SORL1: variants seen among roughly 807,000 people sequenced by gnomAD.
SORL1 encodes the protein sortilin related receptor 1.
SORL1 carries 127 observed loss-of-function variants against 273.7 expected under a neutral mutation model. The ratio of observed to expected loss-of-function variants is 0.46; its 90% confidence interval spans 0.40 to 0.54. The LOEUF (loss-of-function observed/expected upper bound fraction) is 0.54, where lower values mean the gene tolerates loss of function less well. SORL1 is among the 20% of genes least tolerant of loss of function. SORL1 has a pLI of 0.00. For missense variants in SORL1, 2,494 were observed against 2,846.1 expected, an observed-to-expected ratio of 0.88 and a Z score of 2.81; for synonymous variants, 1,031 against 1,067.4, an observed-to-expected ratio of 0.97 and a Z score of 0.66.
chr11:121,607,404 A>ATCTC, intron 37 of SORL1, 114 bp downstream of exon 37: 1 of 559,740 alleles, frequency 1.8e-6, no homozygotes, highest in Non-Finnish European at 3.2e-6. Flanking sequence ...AGTAATCTGC[A>ATCTC]AAATACCCAA....
chr11:121,477,782 C>T (rs1861298142), intron 2 of SORL1, among the ~76,000 whole-genome samples: 1 of 152,148 alleles, frequency 6.6e-6, no homozygotes, highest in Non-Finnish European at 1.5e-5. Flanking sequence ...GTAATCCCAG[C>T]ACTTTGGGAG....
At position 121,629,567 on chromosome 11, in the gene SORL1, A is replaced by AGC; in HGVS notation, c.*5_*6dup. On this transcript the variant is annotated 3_prime_UTR_variant, in exon 48 of 48. Coordinates refer to ENST00000260197, the MANE Select transcript of SORL1 (RefSeq NM_003105.6). ...CGTCCCCATGGTGATAGCCTGAAAG[A>AGC]GCTTTCCTCACTAGAAACCAAATGG... The AGC allele has an allele frequency of 6.9e-7, 1 of 1,458,784 alleles. No homozygotes were observed. The allele number at this position is 1,458,784 out of a possible 1,614,324, so 90.4% of individuals were successfully genotyped here.
chr11:121,544,188 A>G (rs115170600), intron 13 of SORL1, among the ~76,000 whole-genome samples: 7,521 of 152,132 alleles, frequency 0.049, 272 homozygotes, highest in African/African-American at 0.098. Context: ...GAAACTCTTC[A>G]GCATCCTCTC....
chr11:121,530,704 T>G lies in SORL1; in HGVS notation c.1597-1760T>G, dbSNP rs1006928374. The stretch of plus-strand genomic sequence containing the variant: ...ACAAATTTGGGAAATTTTCAGCCAT[T>G]ATTTCTTCAAATATTTTTTTTCTGC... On this transcript the variant is annotated intron_variant, in intron 11 of 47. Transcript: ENST00000260197. 3.9e-5 allele frequency among the ~76,000 whole-genome samples: 6 copies of G among 152,330 alleles called. No individual in the cohort carries two copies. The South Asian group carries it at 1.2e-3, about 32-fold the overall frequency.
intron 21 of SORL1, 155 bp from the exon 22 acceptor site, chr11:121,566,785 C>G (rs1565338731): frequency 1.5e-6 from 1 of 661,082 alleles, no homozygotes; most frequent in Non-Finnish European, 2.5e-6. Flanking sequence ...AAGTTTTCAG[C>G]ACAGTAGGCG....
intron 8 of SORL1, among the ~76,000 whole-genome samples, chr11:121,517,064 T>G (rs1004547735): frequency 6.6e-6 from 1 of 151,636 alleles, no homozygotes; most frequent in Non-Finnish European, 1.5e-5. Flanking sequence ...AAAAAAAAAA[T>G]TATTTATTGA....
intron 8 of SORL1, among the ~76,000 whole-genome samples, chr11:121,519,001 G>T (rs532052890): frequency 3.5e-4 from 52 of 149,178 alleles, no homozygotes; most frequent in Middle Eastern, 3.4e-3. Flanking sequence ...AGGCTGGAGT[G>T]CAGTGGCACG....
At chr11:121,501,993 G>T (rs1014683125) in intron 6 of SORL1, among the ~76,000 whole-genome samples, 1 of 152,044 alleles carries the variant, frequency 6.6e-6, no homozygotes, top group Non-Finnish European at 1.5e-5. Context: ...TGGCCATTTG[G>T]CTTGTGTCTA....
At chr11:121,611,488 T>C in intron 39 of SORL1, 2 of 184,308 alleles carry the variant, frequency 1.1e-5, no homozygotes, top group Admixed American at 5.8e-5. Flanking sequence ...TTGGATTTCC[T>C]GGTGCTAAGC....
chr11:121,564,340 T>C (rs1862722700), intron 21 of SORL1, among the ~76,000 whole-genome samples: 1 of 152,218 alleles, frequency 6.6e-6, no homozygotes, highest in Non-Finnish European at 1.5e-5. Flanking sequence ...TTGGTTAGCT[T>C]GTTTTGCAGT....
chr11:121,573,053 G>A (rs1376781619), intron 23 of SORL1, among the ~76,000 whole-genome samples: 1 of 152,200 alleles, frequency 6.6e-6, no homozygotes, highest in African/African-American at 2.4e-5. Flanking sequence ...TTCCTGGAGG[G>A]TGTTTCACGG....
At chr11:121,497,565 C>T (rs1861651735) in intron 6 of SORL1, among the ~76,000 whole-genome samples, 1 of 152,200 alleles carries the variant, frequency 6.6e-6, no homozygotes, top group Non-Finnish European at 1.5e-5. Flanking sequence ...CAGTAAGTAG[C>T]TTAACTCTCA....
At chr11:121,540,632 C>T (rs749648548) in intron 12 of SORL1, among the ~76,000 whole-genome samples, 2 of 151,988 alleles carry the variant, frequency 1.3e-5, no homozygotes, top group Admixed American at 6.6e-5. Context: ...GTCCAAAATG[C>T]GTGTTCTCTT....
At chr11:121,524,110 G>A (rs1862083865) in intron 11 of SORL1, among the ~76,000 whole-genome samples, 1 of 152,216 alleles carries the variant, frequency 6.6e-6, no homozygotes, top group Non-Finnish European at 1.5e-5. Context: ...TAAGGCCATT[G>A]TAGTCAGAGT....
chr11:121,556,810 T>C (rs751351528), intron 18 of SORL1, among the ~76,000 whole-genome samples: 10 of 152,064 alleles, frequency 6.6e-5, no homozygotes, highest in Non-Finnish European at 1.5e-4. Flanking sequence ...CAGACAGCAG[T>C]GAGTCCGCAT....
chr11:121,565,680 A>G (rs370684189), intron 21 of SORL1, among the ~76,000 whole-genome samples: 5 of 152,352 alleles, frequency 3.3e-5, no homozygotes, highest in Admixed American at 2.6e-4. Context: ...AAGAAAAAAC[A>G]TGATTTCATA....
chr11:121,472,740 C>T (rs1480570240), intron 2 of SORL1, among the ~76,000 whole-genome samples: 1 of 152,170 alleles, frequency 6.6e-6, no homozygotes, highest in Non-Finnish European at 1.5e-5. Flanking sequence ...GTGGGCAGAT[C>T]ACCTGAGGTC....
chr11:121,452,606 T>A lies in SORL1; in HGVS notation c.275T>A (p.Val92Glu), dbSNP rs1860821361. Residue 92 changes from valine to glutamate, a missense_variant, in exon 1 of 48, where the codon GTG becomes GAG. Val to Glu is a moderately radical substitution (Grantham distance 121). Around this residue, in one of 3 missense-constraint regions of SORL1, gnomAD observed 175 missense variants for 147.1 expected, o/e 1.19. Transcript: ENST00000260197. The surrounding 1 kb of genome is among the most constrained non-coding windows in gnomAD (Gnocchi z 5.3). ...SAALQPEPIK[V>E]YGQVSLNDSH... ...GCCCTGCAGCCCGAGCCCATCAAGG[T>A]GTACGGACAGGTGAGCAGTTTTGCA... 2 of 1,504,898 alleles carry A rather than the reference T, an allele frequency of 1.3e-6. No individual in the cohort carries two copies. The highest frequency in any genetic ancestry group is 1.7e-4 in the Middle Eastern group (1 of 5,796). 93.2% of individuals were successfully genotyped at this position (1,504,898 alleles called of 1,614,324 possible). A position where few individuals can be genotyped will look rare whatever the true frequency, so the allele number is the denominator to read the frequency against.
At position 121,590,203 on chromosome 11, in the gene SORL1, C is replaced by G. The variant is rs1734985236; in HGVS notation, c.4213+29C>G. On this transcript the variant is annotated intron_variant, in intron 30 of 47. Transcript: ENST00000260197. ...AGAGGCCCCTGGGGCCTGGGTTAGC[C>G]CCATAACCAAGACACACCAGAATAG... 5.0e-6 allele frequency: 8 copies of G among 1,610,258 alleles called. No homozygotes were observed. In the South Asian group the frequency reaches 7.7e-5, roughly 16 times the overall value.
Sources: gnomAD v4.1 joint callset for allele counts (sites outside exome capture counted in the v4.1 genomes callset) on GRCh38, gnomAD v4.1.1 for gene constraint, gnomAD v4.1.1 regional missense constraint, Gnocchi (gnomAD v3.1) non-coding constraint, MANE v1.5 for transcripts, NCBI Gene and HGNC (gene_info 2026-07-23, HGNC 2026-07-21) for gene names.